The following GRIN2A variants were observed in gnomAD, a reference collection of about 807,000 sequenced individuals.
GRIN2A encodes glutamate receptor ionotropic, NMDA 2A.
Under a neutral mutation model 113.4 loss-of-function variants are expected in GRIN2A, and 22 were observed. The observed-to-expected ratio is 0.19, with a 90% CI of 0.14 to 0.28. GRIN2A has a LOEUF of 0.28. Among genes scored for constraint, GRIN2A ranks in the 10% least tolerant of loss-of-function variants. GRIN2A has a pLI of 1.00. For synonymous variants in GRIN2A, 827 were observed against 738.4 expected (o/e 1.12, Z -1.94); for missense variants, 1,502 against 1,887.0 (o/e 0.80, Z 3.78).
chr16:10,054,296 A>G (rs1462594671), intron 2 of GRIN2A, among the ~76,000 whole-genome samples: 2 of 152,226 alleles, frequency 1.3e-5, no homozygotes, highest in East Asian at 3.8e-4. Context: ...ATAAATGTGA[A>G]AATATGTTCA....
At chr16:10,177,982 A>G (rs1448017223) in intron 2 of GRIN2A, among the ~76,000 whole-genome samples, 2 of 152,200 alleles carry the variant, frequency 1.3e-5, no homozygotes. Flanking sequence ...TCCCAGTCTC[A>G]CACCACCTTT....
intron 2 of GRIN2A, among the ~76,000 whole-genome samples, chr16:10,028,975 C>T (rs1306337317): frequency 6.6e-6 from 1 of 152,166 alleles, no homozygotes; most frequent in Non-Finnish European, 1.5e-5. Context: ...TAATGTTAAT[C>T]AAGTAATATA....
intron 2 of GRIN2A, among the ~76,000 whole-genome samples, chr16:10,035,744 G>A (rs1346982691): frequency 7.0e-6 from 1 of 142,998 alleles, no homozygotes; most frequent in African/African-American, 2.6e-5. Flanking sequence ...TTTTTTTTGA[G>A]ATAGGGTCTC....
rs542128538 is a variant in GRIN2A at position 9,898,744 on chromosome 16, C to T, written c.1008-7644G>A. On this transcript the variant is annotated intron_variant, in intron 3 of 12. Transcript: ENST00000330684. ...TGTTTTTGAAAACACAGTCAGTTTT[C>T]TTTAACCTCTTTTCAATTCTCAAGA... Among the ~76,000 whole-genome samples, 1,472 of 148,092 alleles carry T rather than the reference C, an allele frequency of 9.9e-3. 23 individuals are homozygous for T. The highest frequency in any genetic ancestry group is 0.034 in the African/African-American group (1,387 of 40,448).
intron 2 of GRIN2A, chr16:10,112,427 G>C: frequency 1.4e-6 from 1 of 740,040 alleles, no homozygotes; most frequent in Non-Finnish European, 2.5e-6. Context: ...TGTACAAGGT[G>C]GCCAAGTACG....
At position 9,928,119 on chromosome 16, in the gene GRIN2A, C is replaced by T. The variant is rs186374469; in HGVS notation, c.1007+9840G>A. ...CACGCTGGACCGTGACTCCTCCATC[C>T]CTAAGATTCATGCCAGGATTTGAGG... On this transcript the variant is annotated intron_variant, in intron 3 of 12. Coordinates refer to ENST00000330684, the MANE Select transcript of GRIN2A (RefSeq NM_001134407.3). 2.5e-3 allele frequency among the ~76,000 whole-genome samples: 384 copies of T among 152,318 alleles called. 3 individuals carry two copies. The highest frequency in any genetic ancestry group is 0.014 in the Middle Eastern group (4 of 294).
rs191771546 is a variant in GRIN2A, at chr16:10,025,246, C to G, written c.415-86695G>C. Among the ~76,000 whole-genome samples, 18 of 145,822 alleles carry G rather than the reference C, an allele frequency of 1.2e-4. No homozygotes were observed. In the South Asian group the frequency reaches 4.0e-3, roughly 32 times the overall value. ...GGAAACTCGTGGCTCTGGGGTTTAACGAAAGGTTTTATATTTTTAATTTGC... is the reference window on the plus strand; with the variant it reads ...GGAAACTCGTGGCTCTGGGGTTTAAGGAAAGGTTTTATATTTTTAATTTGC... On this transcript the variant is annotated intron_variant, in intron 2 of 12. Coordinates refer to ENST00000330684, the MANE Select transcript of GRIN2A (RefSeq NM_001134407.3).
chr16:9,952,467 A>G (rs2045207112), intron 2 of GRIN2A, among the ~76,000 whole-genome samples: 1 of 152,180 alleles, frequency 6.6e-6, no homozygotes, highest in African/African-American at 2.4e-5. Flanking sequence ...ATGCAAAAAA[A>G]AAGAAAAAAG....
intron 3 of GRIN2A, among the ~76,000 whole-genome samples, chr16:9,899,162 G>A (rs1183022621): frequency 6.6e-6 from 1 of 152,100 alleles, no homozygotes; most frequent in African/African-American, 2.4e-5. Context: ...GAGAAGGCCA[G>A]GCGCGGTGGC....
chr16:9,967,158 A>G (rs763155540), intron 2 of GRIN2A, among the ~76,000 whole-genome samples: 54 of 152,164 alleles, frequency 3.5e-4, no homozygotes, highest in Non-Finnish European at 6.8e-4. Context: ...AAGAATATGA[A>G]TTATGCTTAC....
intron 2 of GRIN2A, among the ~76,000 whole-genome samples, chr16:10,007,322 T>C (rs1351979063): frequency 2.6e-5 from 4 of 152,228 alleles, no homozygotes; most frequent in Non-Finnish European, 4.4e-5. Context: ...AAAAAAGTCA[T>C]TTTAGCTGGA....
At chr16:9,810,309 C>T (rs1245300973) in intron 10 of GRIN2A, among the ~76,000 whole-genome samples, 1 of 152,182 alleles carries the variant, frequency 6.6e-6, no homozygotes, top group African/African-American at 2.4e-5. Context: ...GTCCCCAAGA[C>T]ACCTGAGGAC....
At chr16:10,169,430 T>C (rs144769475) in intron 2 of GRIN2A, among the ~76,000 whole-genome samples, 236 of 152,308 alleles carry the variant, frequency 1.5e-3, no homozygotes, top group African/African-American at 5.4e-3. Flanking sequence ...TCATTGTTGT[T>C]TGAGCAGTGG....
intron 2 of GRIN2A, among the ~76,000 whole-genome samples, chr16:10,033,212 C>G (rs918293570): frequency 1.3e-5 from 2 of 152,188 alleles, no homozygotes; most frequent in African/African-American, 4.8e-5. Context: ...CTGCAGTGAG[C>G]AGAGGTTACA....
At chr16:9,784,542 T>A (rs1902115436) in intron 11 of GRIN2A, among the ~76,000 whole-genome samples, 1 of 150,970 alleles carries the variant, frequency 6.6e-6, no homozygotes, top group African/African-American at 2.4e-5. Context: ...AAGGACTTCA[T>A]GTCTAAAACA....
chr16:10,081,847 G>A (rs1461436838), intron 2 of GRIN2A, among the ~76,000 whole-genome samples: 3 of 152,124 alleles, frequency 2.0e-5, no homozygotes, highest in Admixed American at 1.3e-4. Context: ...AAGGCCCTAT[G>A]TCCCTACTCT....
intron 2 of GRIN2A, among the ~76,000 whole-genome samples, chr16:10,132,802 G>A (rs554324739): frequency 2.0e-5 from 3 of 152,326 alleles, no homozygotes; most frequent in South Asian, 2.1e-4. Context: ...GTTTCCCATT[G>A]CTGCTGTAAC....
At chr16:9,883,590 G>C (rs2043527897) in intron 4 of GRIN2A, among the ~76,000 whole-genome samples, 1 of 152,182 alleles carries the variant, frequency 6.6e-6, no homozygotes, top group Non-Finnish European at 1.5e-5. Context: ...GAATACTAGG[G>C]CTTGGGGGAC....
At chr16:10,111,016 T>TATC (rs2048602978) in intron 2 of GRIN2A, among the ~76,000 whole-genome samples, 2 of 152,262 alleles carry the variant, frequency 1.3e-5, no homozygotes, top group African/African-American at 4.8e-5. Flanking sequence ...AAAGCTAGTA[T>TATC]ATCAGCTCGA....
Sources: gnomAD v4.1 joint callset for allele counts (sites outside exome capture counted in the v4.1 genomes callset) on GRCh38, gnomAD v4.1.1 for gene constraint, MANE v1.5 for transcripts, NCBI Gene and HGNC (gene_info 2026-07-23, HGNC 2026-07-21) for gene names.